Variants in ASB13 observed in about 807,000 individuals in gnomAD.
ASB13 encodes the protein ankyrin repeat and SOCS box protein 13.
A neutral mutation model predicts 28.8 loss-of-function variants in ASB13; 33 were observed. The observed-to-expected ratio is 1.15, with a 90% CI of 0.87 to 1.53. ASB13 has a LOEUF of 1.53. ASB13 is among the 40% of genes most tolerant of loss of function. The pLI, the probability that ASB13 is intolerant of heterozygous loss-of-function variation, is 0.00. For synonymous variants in ASB13, 182 were observed against 172.9 expected (o/e 1.05, Z -0.41); for missense variants, 414 against 390.1 (o/e 1.06, Z -0.52).
chr10:5,652,001 CAAAAAAAAAAAAA>C lies in ASB13; in HGVS notation c.232-651_232-639del, dbSNP rs569915376. The stretch of plus-strand genomic sequence containing the variant: ...TAGGCGACAGAGAAAGACCTTATCT[CAAAAAAAAAAAAA>C]AAAAAAAAAAACCACACACACACAC... On this transcript the variant is annotated intron_variant, in intron 2 of 5. Transcript: ENST00000357700. This position sits in a 1 kb window ranked among gnomAD's most constrained non-coding sequence, Gnocchi z 5.0. Among the ~76,000 whole-genome samples, 5 of 50,798 alleles carry C rather than the reference CAAAAAAAAAAAAA, an allele frequency of 9.8e-5. No individual in the cohort carries two copies. Among genetic ancestry groups the C allele is most frequent in the Admixed American group, 6.0e-4 (2 of 3,332 alleles). 33.3% of individuals were successfully genotyped at this position (50,798 alleles called of 152,430 possible).
Position 5,641,773 on chromosome 10 carries a change from C to T in ASB13, c.706G>A (p.Glu236Lys), listed in dbSNP as rs367575825. ...SAPAKCFEYY[E>K]KTPLTLSQLC... is the part of the protein sequence containing the mutation. ...TGCGCTCGGTGGGGTGTCTCACTTT[C>T]GTAGTACTCGAAGCACTTGGCGGGA... Residue 236 changes from glutamate (E) to lysine (K), a missense_variant, in exon 5 of 6, where the codon GAA (glutamate) becomes AAA (lysine). By Grantham distance (56) the Glu-to-Lys change is moderately conservative. Transcript: ENST00000357700. This position sits in a 1 kb window ranked among gnomAD's most constrained non-coding sequence, Gnocchi z 8.4. The T allele has an allele frequency of 6.0e-5, 95 of 1,583,728 alleles. No individual in the cohort carries two copies. Among genetic ancestry groups the T allele is most frequent in the African/African-American group, 8.0e-5 (6 of 74,570 alleles).
In ASB13 at chr10:5,639,599, A is replaced by G. The variant is rs1350440690; in HGVS notation, c.*1104T>C. ...ACCGAATGCTCCACCTATGGCTTAT[A>G]ATGCAGAACGACCTGTTTCTATCAC... On this transcript the variant is annotated 3_prime_UTR_variant, in exon 6 of 6. Coordinates refer to ENST00000357700, the MANE Select transcript of ASB13 (RefSeq NM_024701.4). 3 of 152,210 alleles carry G rather than the reference A, an allele frequency of 2.0e-5. No individual in the cohort carries two copies. Among genetic ancestry groups the G allele is most frequent in the African/African-American group, 7.2e-5 (3 of 41,434 alleles). The allele number at this position is 152,210 out of a possible 1,614,324, so 9.4% of individuals were successfully genotyped here.
chr10:5,642,109 A>G lies in ASB13; in HGVS notation c.518-148T>C, dbSNP rs77520179. 9,783 of 726,748 alleles carry G rather than the reference A, an allele frequency of 0.013. 232 individuals carry two copies. Among genetic ancestry groups the G allele is most frequent in the South Asian group, 0.068 (2,558 of 37,532 alleles). The allele number at this position is 726,748 out of a possible 1,614,324, so 45.0% of individuals were successfully genotyped here. On this transcript the variant is annotated intron_variant, in intron 4 of 5. Transcript: ENST00000357700. This position sits in a 1 kb window ranked among gnomAD's most constrained non-coding sequence, Gnocchi z 4.1. ...AGGACAGACTCTACCGTAGCTTTCA[A>G]AAATGTTTTTCAACATCCAAAAGCA...
chr10:5,661,680 G>A lies in ASB13; in HGVS notation c.43+4829C>T, dbSNP rs180846206. Among the ~76,000 whole-genome samples the A allele has an allele frequency of 1.3e-5, 2 of 152,144 alleles. No homozygotes were observed. The highest frequency in any genetic ancestry group is 3.9e-4 in the East Asian group (2 of 5,164). On this transcript the variant is annotated intron_variant, in intron 1 of 5. Transcript: ENST00000357700. This position sits in a 1 kb window ranked among gnomAD's most constrained non-coding sequence, Gnocchi z 4.9. The stretch of plus-strand genomic sequence containing the variant: ...ACACTGGATAATTTTTGTATTTTCT[G>A]TAGAGACAGGGTTTCACCATGTTGC...
chr10:5,643,157 C>T (rs1290854099), intron 4 of ASB13, among the ~76,000 whole-genome samples: 2 of 152,112 alleles, frequency 1.3e-5, no homozygotes, highest in African/African-American at 2.4e-5. Flanking sequence ...TAAAATAATT[C>T]GCCAAATGAT....
At chr10:5,646,705 C>G (rs1010074257) in intron 4 of ASB13, among the ~76,000 whole-genome samples, 1 of 152,184 alleles carries the variant, frequency 6.6e-6, no homozygotes, top group Admixed American at 6.5e-5. Flanking sequence ...GCAAAGGTGT[C>G]CAACTGACAT....
chr10:5,646,695 G>A (rs547033892), intron 4 of ASB13, among the ~76,000 whole-genome samples: 3 of 152,144 alleles, frequency 2.0e-5, no homozygotes, highest in South Asian at 2.1e-4. Flanking sequence ...CCTGTTACTC[G>A]CAAAGGTGTC....
At chr10:5,648,932 ACTCAGGTAAACACCCG>A in intron 4 of ASB13, 22 bp downstream of exon 4, 1 of 1,608,776 alleles carries the variant, frequency 6.2e-7, no homozygotes, top group Non-Finnish European at 8.5e-7. Flanking sequence ...GCAAACACCC[ACTCAGGTAAACACCCG>A]CTCGGGCAAA....
rs1333575030 is a variant in ASB13, at chr10:5,652,297, G to T, written c.231+566C>A. 6.6e-6 allele frequency among the ~76,000 whole-genome samples: 1 copy of T among 152,126 alleles called. No homozygotes were observed. Among genetic ancestry groups the T allele is most frequent in the African/African-American group, 2.4e-5 (1 of 41,416 alleles). On this transcript the variant is annotated intron_variant, in intron 2 of 5. Coordinates refer to ENST00000357700, the MANE Select transcript of ASB13 (RefSeq NM_024701.4). This position sits in a 1 kb window ranked among gnomAD's most constrained non-coding sequence, Gnocchi z 5.0. ...CTCACCCCTTGAACTCTGAGACCAG[G>T]TCCCTGTGTCACTTATACATTGGCC...
In ASB13 at chr10:5,642,993, C is replaced by A. The variant is rs538591785; in HGVS notation, c.518-1032G>T. Among the ~76,000 whole-genome samples, 1 of 152,216 alleles carries A rather than the reference C, an allele frequency of 6.6e-6. No homozygotes were observed. Among genetic ancestry groups the A allele is most frequent in the South Asian group, 2.1e-4 (1 of 4,820 alleles). ...TTCTTAGGGCACAGCCATCACTGAT[C>A]CGATACAATGGAATCCCCCAGGGCT... is the stretch of plus-strand genomic sequence containing the variant. On this transcript the variant is annotated intron_variant, in intron 4 of 5. Coordinates refer to ENST00000357700, the MANE Select transcript of ASB13 (RefSeq NM_024701.4). This position sits in a 1 kb window ranked among gnomAD's most constrained non-coding sequence, Gnocchi z 4.1.
intron 1 of ASB13, among the ~76,000 whole-genome samples, chr10:5,662,544 G>GGGA (rs1835186607): frequency 1.4e-4 from 6 of 43,068 alleles, no homozygotes; most frequent in East Asian, 4.9e-4. Flanking sequence ...GGGGGGGGAG[G>GGGA]GGAGGGGAGG....
At position 5,641,814 on chromosome 10, in the gene ASB13, G is replaced by A. The variant is rs764059875; in HGVS notation, c.665C>T (p.Thr222Met). 33 of 1,611,564 alleles carry A rather than the reference G, an allele frequency of 2.0e-5. No individual in the cohort carries two copies. The highest frequency in any genetic ancestry group is 6.7e-5 in the Admixed American group (4 of 59,616). ...DNRGKKPSDY[T>M]WSSSAPAKCF... ...CTTGGCGGGAGCGCTGCTGCTCCAC[G>A]TGTAGTCAGACGGCTTCTTCCCGCG... is the stretch of plus-strand genomic sequence containing the variant. The change falls in exon 5 of 6, where the codon ACG becomes ATG. Residue 222 changes from threonine to methionine, a missense_variant. Physicochemically the swap from Thr to Met is moderately conservative, Grantham distance 81. Transcript: ENST00000357700. The surrounding 1 kb of genome is among the most constrained non-coding windows in gnomAD (Gnocchi z 8.4).
Position 5,642,208 on chromosome 10 carries a change from C to T in ASB13, c.518-247G>A, listed in dbSNP as rs1834818099. Among the ~76,000 whole-genome samples, 1 of 152,080 alleles carries T rather than the reference C, an allele frequency of 6.6e-6. No homozygotes were observed. ...AATAAAGAAATAACTAGAAATAGAA[C>T]CGAAAAGAAGAAAAATAAAACGAAA... On this transcript the variant is annotated intron_variant, in intron 4 of 5. Coordinates refer to ENST00000357700, the MANE Select transcript of ASB13 (RefSeq NM_024701.4). This position sits in a 1 kb window ranked among gnomAD's most constrained non-coding sequence, Gnocchi z 4.1.
rs1834805803 is a variant in ASB13 at position 5,641,367 on chromosome 10, G to C, written c.709+403C>G. Among the ~76,000 whole-genome samples the C allele has an allele frequency of 6.6e-6, 1 of 152,176 alleles. No homozygotes were observed. The highest frequency in any genetic ancestry group is 2.4e-5 in the African/African-American group (1 of 41,440). On this transcript the variant is annotated intron_variant, in intron 5 of 5. Coordinates refer to ENST00000357700, the MANE Select transcript of ASB13 (RefSeq NM_024701.4). The surrounding 1 kb of genome is among the most constrained non-coding windows in gnomAD (Gnocchi z 8.4). The stretch of plus-strand genomic sequence containing the variant: ...TCTGCCCGCCTCAGCCTCCCAAAGT[G>C]CTGTGATTACAGGTGTGAGCCACTG...
chr10:5,650,185 C>T lies in ASB13; in HGVS notation c.382+1028G>A, dbSNP rs1834962580. The stretch of plus-strand genomic sequence containing the variant: ...AACCCTACTAAATGAAACCATCCCA[C>T]TCCACCAGCCTACTCTGAGCACTGG... On this transcript the variant is annotated intron_variant, in intron 3 of 5. Transcript: ENST00000357700. This position sits in a 1 kb window ranked among gnomAD's most constrained non-coding sequence, Gnocchi z 6.0. Among the ~76,000 whole-genome samples the T allele has an allele frequency of 6.6e-6, 1 of 152,172 alleles. No homozygotes were observed. Among genetic ancestry groups the T allele is most frequent in the Admixed American group, 6.5e-5 (1 of 15,278 alleles).
rs1053177400 is a variant in ASB13, at chr10:5,644,712, G to A, written c.518-2751C>T. 2.0e-5 allele frequency among the ~76,000 whole-genome samples: 3 copies of A among 151,994 alleles called. No homozygotes were observed. The highest frequency in any genetic ancestry group is 4.4e-5 in the Non-Finnish European group (3 of 68,018). On this transcript the variant is annotated intron_variant, in intron 4 of 5. Coordinates refer to ENST00000357700, the MANE Select transcript of ASB13 (RefSeq NM_024701.4). This position sits in a 1 kb window ranked among gnomAD's most constrained non-coding sequence, Gnocchi z 5.1. ...GCACATCTATAATCCCAGCTACTCA[G>A]GAGGCTCAGGCATGAGAATCGCTTG...
In ASB13 at chr10:5,659,340, T is replaced by A. The variant is rs991112960; in HGVS notation, c.44-6290A>T. On this transcript the variant is annotated intron_variant, in intron 1 of 5. Coordinates refer to ENST00000357700, the MANE Select transcript of ASB13 (RefSeq NM_024701.4). The surrounding 1 kb of genome is among the most constrained non-coding windows in gnomAD (Gnocchi z 5.8). Reference sequence around the variant, plus strand: ...TTGCCCCCTCCCTAATGCAGATGATTGACAAGCCAGTCTGACAGGGCCTGC... The same window carrying A: ...TTGCCCCCTCCCTAATGCAGATGATAGACAAGCCAGTCTGACAGGGCCTGC... 6.6e-6 allele frequency among the ~76,000 whole-genome samples: 1 copy of A among 152,254 alleles called. No individual in the cohort carries two copies. Among genetic ancestry groups the A allele is most frequent in the African/African-American group, 2.4e-5 (1 of 41,546 alleles).
rs961858236 is a variant in ASB13, at chr10:5,659,035, G to C, written c.44-5985C>G. ...GTCAGTGTCCCAGGTGAAAAGAATC[G>C]GGAAGGACAGCTTATGGTCACGGAC... On this transcript the variant is annotated intron_variant, in intron 1 of 5. Transcript: ENST00000357700. This position sits in a 1 kb window ranked among gnomAD's most constrained non-coding sequence, Gnocchi z 5.8. Among the ~76,000 whole-genome samples the C allele has an allele frequency of 6.6e-6, 1 of 152,214 alleles. No individual in the cohort carries two copies. Among genetic ancestry groups the C allele is most frequent in the African/African-American group, 2.4e-5 (1 of 41,456 alleles).
intron 4 of ASB13, 22 bp downstream of exon 4, chr10:5,648,948 G>A (rs777398152): frequency 1.7e-5 from 27 of 1,607,150 alleles, no homozygotes; most frequent in African/African-American, 1.1e-4. Flanking sequence ...GTAAACACCC[G>A]CTCGGGCAAA....
Sources: gnomAD v4.1 joint callset for allele counts (sites outside exome capture counted in the v4.1 genomes callset) on GRCh38, gnomAD v4.1.1 for gene constraint, Gnocchi (gnomAD v3.1) non-coding constraint, MANE v1.5 for transcripts, NCBI Gene and HGNC (gene_info 2026-07-23, HGNC 2026-07-21) for gene names.